ZZEF1: variants seen among roughly 807,000 people sequenced by gnomAD.
ZZEF1 encodes zinc finger ZZ-type and EF-hand domain-containing protein 1.
Under a neutral mutation model 342.8 loss-of-function variants are expected in ZZEF1, and 157 were observed. The ratio of observed to expected loss-of-function variants is 0.46; its 90% CI spans 0.40 to 0.52. The LOEUF is 0.52. Ranked by LOEUF, ZZEF1 falls within the 20% of genes least tolerant of loss-of-function variation. The pLI is 0.00. For synonymous variants in ZZEF1, 1,505 were observed against 1,429.1 expected (o/e 1.05, Z -1.20); for missense variants, 3,480 against 3,725.6 (o/e 0.93, Z 1.72).
chr17:4,140,994 C>T (rs1384895549), intron 1 of ZZEF1, among the ~76,000 whole-genome samples: 1 of 151,868 alleles, frequency 6.6e-6, no homozygotes, highest in Admixed American at 6.6e-5. Flanking sequence ...CTGCAACCTC[C>T]GCCTCCTGGG....
At chr17:4,039,262 G>A (rs1042434661) in intron 39 of ZZEF1, among the ~76,000 whole-genome samples, 5 of 151,940 alleles carry the variant, frequency 3.3e-5, no homozygotes, top group Admixed American at 6.5e-5. Context: ...GAGATCGGCA[G>A]TTCTAGACCA....
At chr17:4,048,960 C>T (rs1366977422) in intron 37 of ZZEF1, among the ~76,000 whole-genome samples, 3 of 150,856 alleles carry the variant, frequency 2.0e-5, no homozygotes, top group Non-Finnish European at 2.9e-5. Flanking sequence ...CCTTGTGATC[C>T]GCCCACCTTG....
chr17:4,039,159 G>T (rs182497142), intron 39 of ZZEF1, among the ~76,000 whole-genome samples: 4 of 152,100 alleles, frequency 2.6e-5, no homozygotes, highest in African/African-American at 9.6e-5. Flanking sequence ...AAGAAAAGAT[G>T]GAGGGTAGAT....
At chr17:4,118,849 CT>C (rs1219693935) in intron 2 of ZZEF1, among the ~76,000 whole-genome samples, 5 of 152,212 alleles carry the variant, frequency 3.3e-5, no homozygotes, top group South Asian at 4.1e-4. Context: ...TTCCCACCCC[CT>C]GGCACACAAA....
chr17:4,098,561 C>T lies in ZZEF1; in HGVS notation c.1673-1861G>A, dbSNP rs539712450. 5.9e-5 allele frequency among the ~76,000 whole-genome samples: 9 copies of T among 152,146 alleles called. No individual in the cohort carries two copies. The East Asian group carries it at 1.7e-3, about 29-fold the overall frequency. On this transcript the variant is annotated intron_variant, in intron 9 of 54. Transcript: ENST00000381638. ...CTCATGAAAAAGTCTTCTGCTAGAC[C>T]CAAGGTTGCCTTTCTCTTTCAAACG...
At chr17:4,033,900 G>T in intron 40 of ZZEF1, 115 bp downstream of exon 40, 2 of 1,384,756 alleles carry the variant, frequency 1.4e-6, no homozygotes, top group Non-Finnish European at 2.0e-6. Context: ...AAAACTCTCA[G>T]ACAACACAAC....
At position 4,050,609 on chromosome 17, in the gene ZZEF1, C is replaced by T. The variant is rs181284997; in HGVS notation, c.5863+172G>A. On this transcript the variant is annotated intron_variant, in intron 36 of 54. Coordinates refer to ENST00000381638, the MANE Select transcript of ZZEF1 (RefSeq NM_015113.4). ...ATGTTGAACTTCAATGCCAACATTT[C>T]TCTAAAATCCATCGGGGAACTTAAA... Among the ~76,000 whole-genome samples, 33 of 152,324 alleles carry T rather than the reference C, an allele frequency of 2.2e-4. 1 individual carries two copies. The East Asian group carries it at 4.0e-3, about 19-fold the overall frequency.
chr17:4,045,987 C>T (rs765675179), intron 37 of ZZEF1, among the ~76,000 whole-genome samples: 2 of 152,036 alleles, frequency 1.3e-5, no homozygotes, highest in Admixed American at 6.6e-5. Flanking sequence ...GCCACCACAC[C>T]CAGCTAATTT....
At chr17:4,103,979 C>T (rs149914935) in intron 8 of ZZEF1, among the ~76,000 whole-genome samples, 1 of 152,276 alleles carries the variant, frequency 6.6e-6, no homozygotes, top group East Asian at 1.9e-4. Flanking sequence ...TGAGACCCAA[C>T]ACCACATATT....
rs1376141417 is a variant in ZZEF1 at position 4,042,565 on chromosome 17, G to C, written c.6170C>G (p.Ala2057Gly). 1 of 1,606,708 alleles carries C rather than the reference G, an allele frequency of 6.2e-7. No individual in the cohort carries two copies. Among genetic ancestry groups the C allele is most frequent in the Non-Finnish European group, 8.5e-7 (1 of 1,178,090 alleles). The change falls in exon 39 of 55, where the codon GCT (alanine) becomes GGT (glycine). Residue 2057 changes from alanine to glycine, a missense_variant. Physicochemically the swap from Ala to Gly is moderately conservative, Grantham distance 60. This residue lies in a region of ZZEF1 where 1,269 missense variants were observed against 1,342.4 expected (regional missense o/e 0.95). Transcript: ENST00000381638. ...CTGAGATGACACTTCTGAATCTTCAGCATCTAAGTGGTAAAACAAACTTTC... is the reference window on the plus strand; with the variant it reads ...CTGAGATGACACTTCTGAATCTTCACCATCTAAGTGGTAAAACAAACTTTC... The part of the protein sequence containing the change: ...DASPPTGLPD[A>G]EDSEVSSQKP...
chr17:4,067,114 C>A, intron 27 of ZZEF1, 49 bp downstream of exon 27: 1 of 1,462,548 alleles, frequency 6.8e-7, no homozygotes, highest in Non-Finnish European at 9.5e-7. Flanking sequence ...CATGATATCA[C>A]GGTAGAAAAC....
intron 1 of ZZEF1, among the ~76,000 whole-genome samples, chr17:4,136,784 G>A (rs932955051): frequency 3.3e-5 from 5 of 152,122 alleles, no homozygotes; most frequent in Non-Finnish European, 7.3e-5. Flanking sequence ...TTCCCAAAAC[G>A]TGCCATGCCC....
chr17:4,013,427 T>C (rs1256318670), intron 52 of ZZEF1, 22 bp downstream of exon 52: 1 of 1,572,124 alleles, frequency 6.4e-7, no homozygotes, highest in South Asian at 1.2e-5. Flanking sequence ...GGCAAAGGGC[T>C]GCCATCCGGG....
chr17:4,048,084 C>G (rs1218116316), intron 37 of ZZEF1, among the ~76,000 whole-genome samples: 1 of 152,166 alleles, frequency 6.6e-6, no homozygotes, highest in Non-Finnish European at 1.5e-5. Flanking sequence ...TTTTAAGATG[C>G]TGAGGGCTCA....
chr17:4,136,933 T>C (rs2058758299), intron 1 of ZZEF1, among the ~76,000 whole-genome samples: 2 of 152,100 alleles, frequency 1.3e-5, no homozygotes, highest in Admixed American at 6.5e-5. Flanking sequence ...GGTAACTGCT[T>C]CTCTGTGGTC....
intron 2 of ZZEF1, among the ~76,000 whole-genome samples, chr17:4,120,483 T>A (rs1336818442): frequency 6.6e-6 from 1 of 152,300 alleles, no homozygotes; most frequent in East Asian, 1.9e-4. Context: ...TTAAGGAGAA[T>A]TGGCTCACAC....
At chr17:4,111,185 T>C (rs2058291261) in intron 5 of ZZEF1, among the ~76,000 whole-genome samples, 1 of 152,172 alleles carries the variant, frequency 6.6e-6, no homozygotes, top group Non-Finnish European at 1.5e-5. Flanking sequence ...TGTGTAGATA[T>C]GTGTGCATAT....
chr17:4,095,679 T>G (rs2058021355), intron 11 of ZZEF1, 152 bp downstream of exon 11: 1 of 739,580 alleles, frequency 1.4e-6, no homozygotes, highest in South Asian at 2.4e-5. Flanking sequence ...TAGAAAGCAA[T>G]GAAGGCTTAT....
intron 2 of ZZEF1, among the ~76,000 whole-genome samples, chr17:4,120,961 T>C (rs1342518144): frequency 9.2e-5 from 14 of 152,212 alleles, no homozygotes. Context: ...GAACTAGTTT[T>C]AGTGCAGACG....
Sources: gnomAD v4.1 joint callset for allele counts (sites outside exome capture counted in the v4.1 genomes callset) on GRCh38, gnomAD v4.1.1 for gene constraint, gnomAD v4.1.1 regional missense constraint, MANE v1.5 for transcripts, NCBI Gene and HGNC (gene_info 2026-07-23, HGNC 2026-07-21) for gene names.